The following ZNF385D variants were observed in gnomAD, a reference collection of about 807,000 sequenced individuals.
ZNF385D encodes the protein zinc finger protein 385D.
In ZNF385D, 15 loss-of-function variants were observed where a neutral mutation model predicts 35.8. The ratio of observed to expected loss-of-function variants is 0.42; its 90% CI spans 0.28 to 0.64. The LOEUF (loss-of-function observed/expected upper bound fraction) is 0.64, where lower values mean the gene tolerates loss of function less well. ZNF385D is among the 30% of genes least tolerant of loss of function. The probability of loss-of-function intolerance (pLI) is 0.23; values close to 1 mark genes in which losing one functional copy is unlikely to be tolerated. For missense variants in ZNF385D, 474 were observed against 494.6 expected, an observed-to-expected ratio of 0.96 and a Z score of 0.39; for synonymous variants, 212 against 186.8, an observed-to-expected ratio of 1.13 and a Z score of -1.10.
chr3:21,730,608 C>T (rs949227777), intron 1 of ZNF385D, among the ~76,000 whole-genome samples: 3 of 152,198 alleles, frequency 2.0e-5, no homozygotes, highest in Non-Finnish European at 2.9e-5. Context: ...AAACCCCTGA[C>T]CCAGGGGCAC....
chr3:21,854,012 T>C (rs913157281), intron 3 of ZNF385D, among the ~76,000 whole-genome samples: 8 of 151,912 alleles, frequency 5.3e-5, no homozygotes, highest in African/African-American at 1.9e-4. Context: ...AGGTGGTGAT[T>C]AAAAGGGCAT....
At chr3:21,869,969 C>G (rs1697596253) in intron 3 of ZNF385D, among the ~76,000 whole-genome samples, 1 of 151,928 alleles carries the variant, frequency 6.6e-6, no homozygotes, top group South Asian at 2.1e-4. Context: ...GTAGATAAAA[C>G]TCATAAAAAG....
At chr3:21,935,830 T>C (rs1374633367) in intron 3 of ZNF385D, among the ~76,000 whole-genome samples, 1 of 152,146 alleles carries the variant, frequency 6.6e-6, no homozygotes, top group Non-Finnish European at 1.5e-5. Flanking sequence ...CTTGACTTCC[T>C]TTGGCTTCTA....
At chr3:22,322,966 T>A (rs1333116007) in intron 2 of ZNF385D, among the ~76,000 whole-genome samples, 1 of 152,182 alleles carries the variant, frequency 6.6e-6, no homozygotes, top group Non-Finnish European at 1.5e-5. Flanking sequence ...TGGATTTTTA[T>A]TGTTCTGTTT....
intron 2 of ZNF385D, among the ~76,000 whole-genome samples, chr3:22,339,219 CTAAA>C (rs1400613374): frequency 2.0e-5 from 3 of 152,194 alleles, no homozygotes; most frequent in African/African-American, 7.2e-5. Flanking sequence ...AGTTCAATAA[CTAAA>C]TAATATAAAA....
At chr3:22,301,050 G>A (rs773057927) in intron 2 of ZNF385D, among the ~76,000 whole-genome samples, 12 of 151,944 alleles carry the variant, frequency 7.9e-5, no homozygotes, top group East Asian at 3.9e-4. Flanking sequence ...GTCATTCAAC[G>A]TAATAAAGAA....
At chr3:22,326,601 C>T (rs989224871) in intron 2 of ZNF385D, among the ~76,000 whole-genome samples, 2 of 151,854 alleles carry the variant, frequency 1.3e-5, no homozygotes, top group African/African-American at 4.8e-5. Flanking sequence ...AAGAAACCTG[C>T]CAGGAATGGA....
rs774093332 is a variant in ZNF385D, at chr3:21,413,917, C to T, written c.*7297G>A. ...AGACATACTTATCACTCAATTTATT[C>T]GACAGTGTCTGTTTGTAGTTTTATT... On this transcript the variant is annotated 3_prime_UTR_variant, in exon 8 of 8. Transcript: ENST00000281523. 25 of 152,104 alleles carry T rather than the reference C, an allele frequency of 1.6e-4. No homozygotes were observed. Among genetic ancestry groups the T allele is most frequent in the Admixed American group, 7.9e-4 (12 of 15,274 alleles). 9.4% of individuals were successfully genotyped at this position (152,104 alleles called of 1,614,324 possible). A position where few individuals can be genotyped will look rare whatever the true frequency, so the allele number is the denominator to read the frequency against.
intron 3 of ZNF385D, among the ~76,000 whole-genome samples, chr3:21,951,057 A>G (rs1273798384): frequency 6.6e-6 from 1 of 151,702 alleles, no homozygotes; most frequent in East Asian, 1.9e-4. Flanking sequence ...TTAAACTTAA[A>G]GTAGTTTTTT....
chr3:22,372,030 G>A (rs1327489514), intron 2 of ZNF385D, among the ~76,000 whole-genome samples: 1 of 152,124 alleles, frequency 6.6e-6, no homozygotes, highest in Non-Finnish European at 1.5e-5. Context: ...GAGGGAGCAC[G>A]CCTCGCACAC....
intron 3 of ZNF385D, among the ~76,000 whole-genome samples, chr3:21,910,628 AT>A (rs1488334797): frequency 6.6e-6 from 1 of 151,872 alleles, no homozygotes; most frequent in Non-Finnish European, 1.5e-5. Flanking sequence ...GTTGTATCTC[AT>A]GTATAATAAT....
At chr3:21,966,084 T>C (rs541143921) in intron 3 of ZNF385D, among the ~76,000 whole-genome samples, 127 of 152,310 alleles carry the variant, frequency 8.3e-4, no homozygotes, top group Middle Eastern at 3.4e-3. Flanking sequence ...AGAGTAAATT[T>C]TGCAAATCTT....
chr3:21,610,400 C>T (rs1323129832), intron 2 of ZNF385D, among the ~76,000 whole-genome samples: 1 of 152,100 alleles, frequency 6.6e-6, no homozygotes, highest in East Asian at 1.9e-4. Flanking sequence ...TATTTGATCC[C>T]ATAATAGGTC....
intron 3 of ZNF385D, among the ~76,000 whole-genome samples, chr3:22,067,723 T>C (rs577836181): frequency 1.3e-5 from 2 of 152,270 alleles, no homozygotes; most frequent in South Asian, 4.1e-4. Flanking sequence ...TACAACTATT[T>C]AGAAATACAA....
intron 3 of ZNF385D, among the ~76,000 whole-genome samples, chr3:22,058,428 A>T (rs1699522478): frequency 6.6e-6 from 1 of 152,190 alleles, no homozygotes; most frequent in African/African-American, 2.4e-5. Flanking sequence ...GGGTTTGCTC[A>T]TTCCAGCTCT....
chr3:21,868,347 G>A (rs191137822), intron 3 of ZNF385D, among the ~76,000 whole-genome samples: 1 of 152,088 alleles, frequency 6.6e-6, no homozygotes, highest in South Asian at 2.1e-4. Flanking sequence ...CCCTGCTCAT[G>A]ATAATTCTAT....
intron 4 of ZNF385D, among the ~76,000 whole-genome samples, chr3:21,456,804 C>A (rs1702854304): frequency 6.6e-6 from 1 of 152,060 alleles, no homozygotes; most frequent in Admixed American, 6.6e-5. Flanking sequence ...GAATGCTTTT[C>A]CCCAGATAGC....
intron 3 of ZNF385D, among the ~76,000 whole-genome samples, chr3:21,766,498 G>A (rs1267853232): frequency 6.6e-6 from 1 of 152,082 alleles, no homozygotes; most frequent in Non-Finnish European, 1.5e-5. Flanking sequence ...GTACGATCAT[G>A]CCATAGCAAT....
chr3:21,800,674 T>G (rs1032904002), intron 3 of ZNF385D, among the ~76,000 whole-genome samples: 1 of 152,178 alleles, frequency 6.6e-6, no homozygotes, highest in East Asian at 1.9e-4. Flanking sequence ...GTAAGTGGAA[T>G]TGCTTTTCTA....
Sources: allele counts gnomAD v4.1 joint callset (sites outside exome capture counted in the v4.1 genomes callset), GRCh38; gene constraint gnomAD v4.1.1; transcripts MANE v1.5; gene names NCBI Gene and HGNC (gene_info 2026-07-23, HGNC 2026-07-21).